Variants in TMTC4 observed in about 807,000 individuals in gnomAD.
TMTC4 encodes the protein protein O-mannosyl-transferase TMTC4.
Under a neutral mutation model 86.0 loss-of-function variants are expected in TMTC4, and 65 were observed. The observed-to-expected ratio is 0.76, with a 90% CI of 0.62 to 0.93. TMTC4 has a LOEUF of 0.93. Ranked by LOEUF, TMTC4 falls within the 40% of genes least tolerant of loss-of-function variation. TMTC4 has a pLI of 0.00. For missense variants in TMTC4, 866 were observed against 948.1 expected (o/e 0.91, Z 1.14); for synonymous variants, 379 against 382.5 (o/e 0.99, Z 0.11).
chr13:100,606,571 G>T, intron 17 of TMTC4, 144 bp from the exon 18 acceptor site: 1 of 660,636 alleles, frequency 1.5e-6, no homozygotes. Context: ...GGAAGGCCCA[G>T]CGGGGCCACG....
chr13:100,663,017 C>G lies in TMTC4; in HGVS notation c.499G>C (p.Ala167Pro). The G allele has an allele frequency of 1.2e-6, 2 of 1,614,160 alleles. No homozygotes were observed. Among genetic ancestry groups the G allele is most frequent in the African/African-American group, 2.7e-5 (2 of 75,064 alleles). The change falls in exon 5 of 19, where the codon GCG becomes CCG. Residue 167 changes from alanine (A) to proline (P), a missense_variant. Ala to Pro is a conservative substitution (Grantham distance 27). Coordinates refer to ENST00000342624, the MANE Select transcript of TMTC4 (RefSeq NM_032813.5). ...KGRRLHLAPR[A>P]SLLAALLFAV... ...AACAGCAGCGCGGCCAGCAGGGACG[C>G]CCTGGGGGCGAGGTGCAGCCTCCGG...
intron 6 of TMTC4, among the ~76,000 whole-genome samples, chr13:100,650,082 G>GAA (rs561956866): frequency 6.9e-6 from 1 of 144,576 alleles, no homozygotes; most frequent in Non-Finnish European, 1.5e-5. Context: ...GAGAGGATGG[G>GAA]AAAAAAAAAA....
chr13:100,629,342 T>C (rs1377171371), intron 12 of TMTC4, among the ~76,000 whole-genome samples: 1 of 152,090 alleles, frequency 6.6e-6, no homozygotes, highest in Non-Finnish European at 1.5e-5. Flanking sequence ...GGTGTGTAGC[T>C]GGCACACCTT....
chr13:100,606,976 G>C (rs1216683183), intron 17 of TMTC4, among the ~76,000 whole-genome samples: 1 of 152,174 alleles, frequency 6.6e-6, no homozygotes, highest in Admixed American at 6.5e-5. Flanking sequence ...AAATGCCCCT[G>C]ATGGGTGTGA....
intron 15 of TMTC4, among the ~76,000 whole-genome samples, chr13:100,623,380 G>A (rs561254302): frequency 1.4e-4 from 22 of 152,282 alleles, no homozygotes; most frequent in Non-Finnish European, 2.4e-4. Flanking sequence ...TTACAGGCAC[G>A]TACCACCATG....
chr13:100,646,401 ACACTGCTTCTTAGAGG>A (rs1455834876), intron 6 of TMTC4, among the ~76,000 whole-genome samples: 7 of 152,228 alleles, frequency 4.6e-5, no homozygotes, highest in African/African-American at 1.7e-4. Flanking sequence ...GCAGGTGTCA[ACACTGCTTCTTAGAGG>A]CTGTGCATCA....
Position 100,612,862 on chromosome 13 carries a change from T to G in TMTC4, c.1952-352A>C, listed in dbSNP as rs377605425. On this transcript the variant is annotated intron_variant, in intron 16 of 18. Coordinates refer to ENST00000342624, the MANE Select transcript of TMTC4 (RefSeq NM_032813.5). ...AAATAAGAGGATGACAGTAACACTT[T>G]CATAACTGAGAATTTATCACATTGA... Among the ~76,000 whole-genome samples the G allele has an allele frequency of 2.6e-5, 4 of 152,348 alleles. No individual in the cohort carries two copies. In the East Asian group the frequency reaches 5.8e-4, roughly 22 times the overall value.
chr13:100,627,015 G>C (rs1054432073), intron 12 of TMTC4, among the ~76,000 whole-genome samples: 3 of 152,220 alleles, frequency 2.0e-5, no homozygotes, highest in Non-Finnish European at 4.4e-5. Flanking sequence ...GACACAGTGA[G>C]AAGACGACCG....
intron 7 of TMTC4, among the ~76,000 whole-genome samples, chr13:100,640,137 A>G (rs1452277990): frequency 6.6e-6 from 1 of 151,804 alleles, no homozygotes; most frequent in Non-Finnish European, 1.5e-5. Context: ...CGTATTAGGG[A>G]AAGGTTCTAA....
Position 100,605,209 on chromosome 13 carries a change from T to C in TMTC4, c.2135-67A>G, listed in dbSNP as rs2153020055. Reference sequence around the variant, plus strand: ...GTAACGTGCCGTATTCCTACCCTCTTGGACAAAGAAATATTACAGATCCTA... The same window carrying C: ...GTAACGTGCCGTATTCCTACCCTCTCGGACAAAGAAATATTACAGATCCTA... On this transcript the variant is annotated intron_variant, in intron 18 of 18. Transcript: ENST00000342624. The surrounding 1 kb of genome is among the most constrained non-coding windows in gnomAD (Gnocchi z 4.3). The C allele has an allele frequency of 6.6e-7, 1 of 1,523,488 alleles. No homozygotes were observed. The highest frequency in any genetic ancestry group is 2.3e-5 in the East Asian group (1 of 42,838). The allele number at this position is 1,523,488 out of a possible 1,614,324, so 94.4% of individuals were successfully genotyped here.
chr13:100,625,744 CCTTT>C (rs766131942), intron 14 of TMTC4, 37 bp downstream of exon 14: 17 of 1,609,432 alleles, frequency 1.1e-5, no homozygotes, highest in East Asian at 4.5e-5. Flanking sequence ...TGCAGGAGCT[CCTTT>C]CTTTGTCACT....
rs1876268182 is a variant in TMTC4 at position 100,604,399 on chromosome 13, A to G, written c.*595T>C. On this transcript the variant is annotated 3_prime_UTR_variant, in exon 19 of 19. Coordinates refer to ENST00000342624, the MANE Select transcript of TMTC4 (RefSeq NM_032813.5). ...CAAGAGTCAATTTCTTCCTATGGGG[A>G]AAAGCATATAGATATACTATGTTAA... 1.3e-5 allele frequency: 2 copies of G among 152,460 alleles called. No homozygotes were observed. The highest frequency in any genetic ancestry group is 1.5e-5 in the Non-Finnish European group (1 of 68,044). The allele number at this position is 152,460 out of a possible 1,614,324, so 9.4% of individuals were successfully genotyped here. A position where few individuals can be genotyped will look rare whatever the true frequency, so the allele number is the denominator to read the frequency against.
intron 12 of TMTC4, among the ~76,000 whole-genome samples, chr13:100,632,423 A>G (rs1881572221): frequency 6.6e-6 from 1 of 152,366 alleles, no homozygotes; most frequent in South Asian, 2.1e-4. Flanking sequence ...AAGAAATCTG[A>G]ACTCCTTGTG....
At chr13:100,651,496 C>CA (rs58783020) in intron 6 of TMTC4, among the ~76,000 whole-genome samples, 2,303 of 72,796 alleles carry the variant, frequency 0.032, 40 homozygotes, top group African/African-American at 0.058. Flanking sequence ...ATTTATGCAC[C>CA]AAAAAAAAAA....
At chr13:100,649,731 A>T (rs923657686) in intron 6 of TMTC4, among the ~76,000 whole-genome samples, 2 of 151,870 alleles carry the variant, frequency 1.3e-5, no homozygotes, top group Non-Finnish European at 2.9e-5. Flanking sequence ...TTCACACTGG[A>T]AGAATCGCCA....
At chr13:100,639,831 T>A (rs1882779128) in intron 7 of TMTC4, among the ~76,000 whole-genome samples, 1 of 151,960 alleles carries the variant, frequency 6.6e-6, no homozygotes, top group Non-Finnish European at 1.5e-5. Context: ...TCCCAGCTAC[T>A]CGGGAGGCTG....
rs1212626017 is a variant in TMTC4, at chr13:100,637,564, A to G, written c.973T>C (p.Ser325Pro). 2 of 1,613,892 alleles carry G rather than the reference A, an allele frequency of 1.2e-6. No homozygotes were observed. The highest frequency in any genetic ancestry group is 1.7e-6 in the Non-Finnish European group (2 of 1,179,968). The change falls in exon 9 of 19, where the codon TCC (serine) becomes CCC (proline). Residue 325 changes from serine (S) to proline (P), a missense_variant. Coordinates refer to ENST00000342624, the MANE Select transcript of TMTC4 (RefSeq NM_032813.5). Reference protein sequence around the residue: ...PAFTEVDNPASFADSMLVRAV... With the variant: ...PAFTEVDNPAPFADSMLVRAV... ...CTCACCAGCATGCTGTCAGCAAAGG[A>G]GGCCGGGTTGTCCACCTCGGTGAAG...
chr13:100,604,518 A>G lies in TMTC4; in HGVS notation c.*476T>C, dbSNP rs1876286197. The G allele has an allele frequency of 6.6e-6, 1 of 152,308 alleles. No homozygotes were observed. Among genetic ancestry groups the G allele is most frequent in the Non-Finnish European group, 1.5e-5 (1 of 68,094 alleles). The allele number at this position is 152,308 out of a possible 1,614,324, so 9.4% of individuals were successfully genotyped here. ...AAAGTTCACAGTATGTTGTTTTAAA[A>G]AAAAGAGATAAAAAAACTTAATTTG... On this transcript the variant is annotated 3_prime_UTR_variant, in exon 19 of 19. Transcript: ENST00000342624.
chr13:100,618,262 C>G (rs530197939), intron 15 of TMTC4, among the ~76,000 whole-genome samples: 1 of 152,020 alleles, frequency 6.6e-6, no homozygotes, highest in African/African-American at 2.4e-5. Context: ...TTCTAGGTGT[C>G]GAATCACACC....
Sources: allele counts gnomAD v4.1 joint callset (sites outside exome capture counted in the v4.1 genomes callset), GRCh38; gene constraint gnomAD v4.1.1; non-coding constraint Gnocchi (gnomAD v3.1); transcripts MANE v1.5; gene names NCBI Gene and HGNC (gene_info 2026-07-23, HGNC 2026-07-21).